Variants in AKTIP observed in about 807,000 individuals in gnomAD.
AKTIP encodes the protein AKT-interacting protein.
Under a neutral mutation model 39.1 loss-of-function variants are expected in AKTIP, and 16 were observed. That is an observed-to-expected ratio of 0.41 (90% CI 0.28 to 0.62). AKTIP has a LOEUF of 0.62. Among genes scored for constraint, AKTIP ranks in the 20% least tolerant of loss-of-function variants. AKTIP has a pLI of 0.32. For synonymous variants in AKTIP, 93 were observed against 124.3 expected, an observed-to-expected ratio of 0.75 and a Z score of 1.67; for missense variants, 262 against 356.6, an observed-to-expected ratio of 0.73 and a Z score of 2.14.
chr16:53,498,228 C>T (rs1463519988), intron 3 of AKTIP, among the ~76,000 whole-genome samples, 163 bp downstream of exon 3: 1 of 152,232 alleles, frequency 6.6e-6, no homozygotes, highest in Non-Finnish European at 1.5e-5. Flanking sequence ...TTATCACCAG[C>T]AATAGCCTAT....
In AKTIP at chr16:53,492,168, A is replaced by G. The variant is rs1312969171; in HGVS notation, c.*244T>C. On this transcript the variant is annotated 3_prime_UTR_variant, in exon 10 of 10. Coordinates refer to ENST00000394657, the MANE Select transcript of AKTIP (RefSeq NM_022476.4). ...CAGAAAAATACTTACTTAAGCCTCA[A>G]GGTCCCCAATAATTTGGAGTACTGA... 1.4e-5 allele frequency: 6 copies of G among 430,358 alleles called. No individual in the cohort carries two copies. Among genetic ancestry groups the G allele is most frequent in the Non-Finnish European group, 2.5e-5 (6 of 240,280 alleles). The allele number at this position is 430,358 out of a possible 1,614,324, so 26.7% of individuals were successfully genotyped here.
At chr16:53,502,312 T>C (rs191447953) in intron 1 of AKTIP, among the ~76,000 whole-genome samples, 20 of 152,330 alleles carry the variant, frequency 1.3e-4, no homozygotes, top group Admixed American at 5.9e-4. Flanking sequence ...AGGAATGACA[T>C]AGATGGAAGC....
chr16:53,497,273 C>T (rs1418879005), intron 3 of AKTIP, among the ~76,000 whole-genome samples: 1 of 152,168 alleles, frequency 6.6e-6, no homozygotes, highest in Non-Finnish European at 1.5e-5. Context: ...CACTCCGCAC[C>T]CTGCTTGGCT....
At position 53,494,429 on chromosome 16, in the gene AKTIP, T is replaced by C; in HGVS notation, c.512A>G (p.His171Arg). 6.2e-7 allele frequency: 1 copy of C among 1,614,244 alleles called. No individual in the cohort carries two copies. The highest frequency in any genetic ancestry group is 8.5e-7 in the Non-Finnish European group (1 of 1,180,044). The change falls in exon 7 of 10, where the codon CAT becomes CGT. Residue 171 changes from histidine (H) to arginine (R), a missense_variant. Transcript: ENST00000394657. Reference protein sequence around the residue: ...KRAFAKWRRNHNHIWQVLMYA... With the variant: ...KRAFAKWRRNRNHIWQVLMYA... ...CATTAATACCTGCCAAATATGATTA[T>C]GGTTCCGCCTAAAGGGAAACATGGC...
At chr16:53,497,479 A>C (rs1262853475) in intron 3 of AKTIP, among the ~76,000 whole-genome samples, 1 of 152,210 alleles carries the variant, frequency 6.6e-6, no homozygotes, top group Non-Finnish European at 1.5e-5. Flanking sequence ...ATACGTGCTT[A>C]AGCTGTCTCT....
At chr16:53,499,959 CAT>C (rs1447108176) in intron 2 of AKTIP, among the ~76,000 whole-genome samples, 1 of 152,122 alleles carries the variant, frequency 6.6e-6, no homozygotes, top group Non-Finnish European at 1.5e-5. Flanking sequence ...CAAATTTCAT[CAT>C]GTGTAAATAT....
intron 2 of AKTIP, among the ~76,000 whole-genome samples, chr16:53,499,087 G>C (rs1443875685): frequency 6.6e-6 from 1 of 152,128 alleles, no homozygotes; most frequent in African/African-American, 2.4e-5. Flanking sequence ...CACTTGCCTG[G>C]GTCTGATTTT....
intron 3 of AKTIP, among the ~76,000 whole-genome samples, chr16:53,498,139 T>G (rs560595914): frequency 3.9e-5 from 6 of 152,368 alleles, no homozygotes; most frequent in African/African-American, 1.4e-4. Flanking sequence ...TGCCTTTAAA[T>G]CTTATTCACC....
At chr16:53,499,466 T>A (rs977704262) in intron 2 of AKTIP, among the ~76,000 whole-genome samples, 2 of 151,258 alleles carry the variant, frequency 1.3e-5, no homozygotes, top group African/African-American at 4.9e-5. Flanking sequence ...TTTTTTTTTT[T>A]TCTTTTTGAG....
intron 2 of AKTIP, among the ~76,000 whole-genome samples, chr16:53,499,634 G>A (rs986680557): frequency 2.0e-5 from 3 of 151,610 alleles, no homozygotes; most frequent in Non-Finnish European, 4.4e-5. Flanking sequence ...TAATTTTTTT[G>A]TATATTTAGT....
At position 53,491,347 on chromosome 16, in the gene AKTIP, T is replaced by C. The variant is rs1282146391; in HGVS notation, c.*1065A>G. 1 of 152,232 alleles carries C rather than the reference T, an allele frequency of 6.6e-6. No homozygotes were observed. The highest frequency in any genetic ancestry group is 1.5e-5 in the Non-Finnish European group (1 of 68,026). 9.4% of individuals were successfully genotyped at this position (152,232 alleles called of 1,614,324 possible). On this transcript the variant is annotated 3_prime_UTR_variant, in exon 10 of 10. Coordinates refer to ENST00000394657, the MANE Select transcript of AKTIP (RefSeq NM_022476.4). ...GGTTTTTATTAGTACCATAGTACCA[T>C]TTATACAAATTAGAAAATGTTATTT...
intron 2 of AKTIP, 81 bp from the exon 3 acceptor site, chr16:53,498,677 A>G: frequency 7.2e-7 from 1 of 1,384,584 alleles, no homozygotes; most frequent in Non-Finnish European, 1.0e-6. Context: ...CATGGCCTAA[A>G]TGCTGGAATT....
At chr16:53,499,444 T>G (rs1962032670) in intron 2 of AKTIP, among the ~76,000 whole-genome samples, 1 of 142,872 alleles carries the variant, frequency 7.0e-6, no homozygotes, top group African/African-American at 2.7e-5. Context: ...AGAGGTGAGA[T>G]TATAGTTTTT....
chr16:53,491,545 T>TTAGAA lies in AKTIP; in HGVS notation c.*862_*866dup, dbSNP rs1410057606. The TTAGAA allele has an allele frequency of 1.3e-5, 2 of 152,616 alleles. No individual in the cohort carries two copies. Among genetic ancestry groups the TTAGAA allele is most frequent in the African/African-American group, 4.8e-5 (2 of 41,448 alleles). The allele number at this position is 152,616 out of a possible 1,614,324, so 9.5% of individuals were successfully genotyped here. A position where few individuals can be genotyped will look rare whatever the true frequency, so the allele number is the denominator to read the frequency against. ...GAAATATGGAACTTACATTGTTCAATTAGAATAGTGTTCTGCAAAAATATT... is the reference window on the plus strand; with the variant it reads ...GAAATATGGAACTTACATTGTTCAATTAGAATAGAATAGTGTTCTGCAAAAATATT... On this transcript the variant is annotated 3_prime_UTR_variant, in exon 10 of 10. Coordinates refer to ENST00000394657, the MANE Select transcript of AKTIP (RefSeq NM_022476.4).
chr16:53,497,815 T>C (rs1961931383), intron 3 of AKTIP, among the ~76,000 whole-genome samples: 2 of 152,248 alleles, frequency 1.3e-5, no homozygotes, highest in Non-Finnish European at 1.5e-5. Flanking sequence ...AATGGCACAA[T>C]CTCGGCTCAC....
In AKTIP at chr16:53,500,312, C is replaced by T; in HGVS notation, c.-53G>A. 1 of 1,598,920 alleles carries T rather than the reference C, an allele frequency of 6.3e-7. No homozygotes were observed. Among genetic ancestry groups the T allele is most frequent in the Admixed American group, 1.8e-5 (1 of 56,546 alleles). On this transcript the variant is annotated 5_prime_UTR_variant, in exon 2 of 10. Transcript: ENST00000394657. ...GTGGTGTATCATCCAAATCTTCTGT[C>T]TTCGGCATTCACTTTACCTTAAAAC...
At chr16:53,503,694 G>A (rs1962323439), upstream of AKTIP, among the ~76,000 whole-genome samples, 1 of 152,212 alleles carries the variant, frequency 6.6e-6, no homozygotes, top group African/African-American at 2.4e-5. Context: ...GGAGGGCCGG[G>A]CCGCGCGACT....
chr16:53,492,858 G>T, intron 8 of AKTIP, 105 bp from the exon 9 acceptor site: 2 of 927,182 alleles, frequency 2.2e-6, no homozygotes, highest in Non-Finnish European at 3.4e-6. Flanking sequence ...ATAAAGCACA[G>T]TATTTTTTAT....
chr16:53,499,750 C>T (rs1164247820), intron 2 of AKTIP, among the ~76,000 whole-genome samples: 2 of 152,038 alleles, frequency 1.3e-5, no homozygotes, highest in African/African-American at 4.8e-5. Context: ...CATGAGCCAC[C>T]GTGCCCAGCT....
Sources: allele counts gnomAD v4.1 joint callset (sites outside exome capture counted in the v4.1 genomes callset), GRCh38; gene constraint gnomAD v4.1.1; transcripts MANE v1.5; gene names NCBI Gene and HGNC (gene_info 2026-07-23, HGNC 2026-07-21).